The following PTPRD variants were observed in gnomAD, a reference collection of about 807,000 sequenced individuals.
PTPRD encodes the protein receptor-type tyrosine-protein phosphatase delta.
In PTPRD, 34 loss-of-function variants were observed where a neutral mutation model predicts 214.5. That is an observed-to-expected ratio of 0.16 (90% confidence interval 0.12 to 0.21). The LOEUF (loss-of-function observed/expected upper bound fraction) is 0.21, where lower values mean the gene tolerates loss of function less well. Among genes scored for constraint, PTPRD ranks in the 10% least tolerant of loss-of-function variants. PTPRD has a pLI of 1.00. For missense variants in PTPRD, 2,545 were observed against 2,398.7 expected, an observed-to-expected ratio of 1.06 and a Z score of -1.27; for synonymous variants, 1,128 against 845.7, an observed-to-expected ratio of 1.33 and a Z score of -5.79.
At chr9:9,791,443 T>C (rs2098966651) in intron 5 of PTPRD, among the ~76,000 whole-genome samples, 1 of 152,118 alleles carries the variant, frequency 6.6e-6, no homozygotes, top group Non-Finnish European at 1.5e-5. Context: ...ATGGCCTAGA[T>C]GGAATTAATT....
At chr9:10,248,525 A>T (rs925099582) in intron 3 of PTPRD, among the ~76,000 whole-genome samples, 83 of 31,578 alleles carry the variant, frequency 2.6e-3, no homozygotes, top group African/African-American at 4.6e-3. Flanking sequence ...AAAAAAAAAA[A>T]ATAAAAAAAA....
intron 39 of PTPRD, among the ~76,000 whole-genome samples, chr9:8,365,552 C>T (rs749987114): frequency 3.3e-5 from 5 of 152,100 alleles, no homozygotes; most frequent in African/African-American, 4.8e-5. Flanking sequence ...TTTAGCCAGG[C>T]TGATGAGCAT....
chr9:8,780,504 T>G (rs1288159751), intron 11 of PTPRD, among the ~76,000 whole-genome samples: 1 of 152,178 alleles, frequency 6.6e-6, no homozygotes, highest in African/African-American at 2.4e-5. Context: ...GGATTAATTT[T>G]GCAACACTGG....
intron 36 of PTPRD, among the ~76,000 whole-genome samples, chr9:8,399,383 T>G (rs1362843417): frequency 6.6e-6 from 1 of 152,126 alleles, no homozygotes; most frequent in East Asian, 1.9e-4. Context: ...TGTTTTCAAG[T>G]GGGGTTTAAA....
intron 11 of PTPRD, among the ~76,000 whole-genome samples, chr9:8,805,943 C>T (rs1354504692): frequency 5.0e-5 from 7 of 139,838 alleles, no homozygotes; most frequent in Admixed American, 3.0e-4. Flanking sequence ...TGCAGTGAGC[C>T]GAGATTATGC....
intron 8 of PTPRD, among the ~76,000 whole-genome samples, chr9:9,477,788 G>A (rs975459846): frequency 4.6e-5 from 7 of 152,090 alleles, no homozygotes; most frequent in African/African-American, 1.7e-4. Context: ...GATGCTATTA[G>A]AACTGTACAT....
intron 3 of PTPRD, among the ~76,000 whole-genome samples, chr9:10,223,670 AAATAATAATAAT>A (rs67338126): frequency 4.2e-4 from 56 of 134,350 alleles, no homozygotes; most frequent in East Asian, 6.6e-4. Flanking sequence ...ATTCTGTCTC[AAATAATAATAAT>A]AATAATAATA....
chr9:9,384,646 G>A (rs993314508), intron 9 of PTPRD, among the ~76,000 whole-genome samples: 1 of 151,706 alleles, frequency 6.6e-6, no homozygotes, highest in African/African-American at 2.4e-5. Flanking sequence ...TCTTACCCTG[G>A]TTGTTAATGT....
chr9:10,082,898 C>A (rs534827244), intron 3 of PTPRD, among the ~76,000 whole-genome samples: 13 of 151,192 alleles, frequency 8.6e-5, no homozygotes, highest in Admixed American at 7.3e-4. Context: ...AATGGTAAAA[C>A]TCCATTATTT....
At chr9:9,708,639 A>C (rs1285066971) in intron 7 of PTPRD, among the ~76,000 whole-genome samples, 1 of 152,058 alleles carries the variant, frequency 6.6e-6, no homozygotes, top group Non-Finnish European at 1.5e-5. Context: ...TAGAGACAAC[A>C]AAACTGTTTT....
chr9:8,317,405 T>G lies in PTPRD; in HGVS notation c.*469A>C, dbSNP rs1015517768. On this transcript the variant is annotated 3_prime_UTR_variant, in exon 46 of 46. Transcript: ENST00000381196. ...AAGGACTTTCTTTTTAAACATTCCC[T>G]CCCCTTTCCCCCTAAAATGTTATTA... 4.3e-6 allele frequency: 1 copy of G among 232,910 alleles called. No homozygotes were observed. The highest frequency in any genetic ancestry group is 2.2e-5 in the African/African-American group (1 of 45,256). 14.4% of individuals were successfully genotyped at this position (232,910 alleles called of 1,614,324 possible).
intron 2 of PTPRD, among the ~76,000 whole-genome samples, chr9:10,553,442 G>T (rs1159271496): frequency 6.6e-6 from 1 of 151,558 alleles, no homozygotes; most frequent in Non-Finnish European, 1.5e-5. Context: ...TCTCATCCCT[G>T]AGTTGTATTC....
rs375400702 is a variant in PTPRD, at chr9:10,541,099, CCTT to C, written c.-600+71296_-600+71298del. 2.4e-4 allele frequency among the ~76,000 whole-genome samples: 36 copies of C among 152,270 alleles called. No individual in the cohort carries two copies. In the South Asian group the frequency reaches 5.4e-3, roughly 23 times the overall value. ...AAAAGAGACTATTTTCCATATGCTT[CCTT>C]TATTTATCTGCTTTATGGCATAAAA... On this transcript the variant is annotated intron_variant, in intron 2 of 45. Transcript: ENST00000381196.
In PTPRD at chr9:9,823,175, GA is replaced by G. The variant is rs747684864; in HGVS notation, c.-367-56325del. 8.9e-4 allele frequency among the ~76,000 whole-genome samples: 136 copies of G among 152,190 alleles called. No individual in the cohort carries two copies. The South Asian group carries it at 0.012, about 14-fold the overall frequency. ...TACCTGAGACTGGGTAATTTATAAA[GA>G]AAAGAGGTAATCAGTTCATAGTTCT... On this transcript the variant is annotated intron_variant, in intron 5 of 45. Coordinates refer to ENST00000381196, the MANE Select transcript of PTPRD (RefSeq NM_002839.4).
chr9:10,610,581 T>C (rs1486702335), intron 2 of PTPRD, among the ~76,000 whole-genome samples: 5 of 152,120 alleles, frequency 3.3e-5, no homozygotes, highest in Non-Finnish European at 7.4e-5. Flanking sequence ...TTATGTGCTA[T>C]AATCCAAATC....
chr9:9,763,925 C>T (rs985847270), intron 6 of PTPRD, among the ~76,000 whole-genome samples: 1 of 152,076 alleles, frequency 6.6e-6, no homozygotes, highest in African/African-American at 2.4e-5. Context: ...CTATATATGA[C>T]TGATATTTGG....
chr9:10,374,447 G>C (rs1300367514), intron 2 of PTPRD, among the ~76,000 whole-genome samples: 3 of 151,982 alleles, frequency 2.0e-5, no homozygotes, highest in Non-Finnish European at 4.4e-5. Context: ...AATGCAAAAA[G>C]ACAAGCACTC....
At chr9:9,310,010 C>G (rs1282552238) in intron 9 of PTPRD, among the ~76,000 whole-genome samples, 1 of 151,988 alleles carries the variant, frequency 6.6e-6, no homozygotes, top group Non-Finnish European at 1.5e-5. Context: ...GGAAGCTTAT[C>G]TGAAAACTTT....
intron 4 of PTPRD, among the ~76,000 whole-genome samples, chr9:9,965,941 G>T (rs779307791): frequency 8.5e-5 from 13 of 152,138 alleles, no homozygotes; most frequent in Non-Finnish European, 1.8e-4. Flanking sequence ...ACAGATAATT[G>T]CATGTATGCA....
Sources: allele counts gnomAD v4.1 joint callset (sites outside exome capture counted in the v4.1 genomes callset), GRCh38; gene constraint gnomAD v4.1.1; transcripts MANE v1.5; gene names NCBI Gene and HGNC (gene_info 2026-07-23, HGNC 2026-07-21).